LARP1B: variants seen among roughly 807,000 people sequenced by gnomAD.
LARP1B encodes La ribonucleoprotein 1B.
Under a neutral mutation model 114.2 loss-of-function variants are expected in LARP1B, and 76 were observed. The observed-to-expected ratio is 0.67, with a 90% CI of 0.55 to 0.81. The LOEUF is 0.81. Ranked by LOEUF, LARP1B falls within the 30% of genes least tolerant of loss-of-function variation. The pLI is 0.00. For missense variants in LARP1B, 1,014 were observed against 1,075.8 expected (o/e 0.94, Z 0.80); for synonymous variants, 345 against 348.0 (o/e 0.99, Z 0.10).
chr4:128,122,615 C>T, intron 11 of LARP1B: 2 of 1,468,048 alleles, frequency 1.4e-6, no homozygotes, highest in African/African-American at 1.4e-5. Context: ...AGAGAGCACT[C>T]TTCTTGCCTC....
At chr4:128,176,807 A>G (rs1746390815) in intron 12 of LARP1B, 65 bp from the exon 13 acceptor site, 1 of 1,443,272 alleles carries the variant, frequency 6.9e-7, no homozygotes, top group Non-Finnish European at 9.7e-7. Context: ...AATTTAATAA[A>G]TGAAACAATA....
intron 15 of LARP1B, among the ~76,000 whole-genome samples, chr4:128,187,081 C>T (rs972766418): frequency 1.3e-5 from 2 of 152,222 alleles, no homozygotes; most frequent in Non-Finnish European, 2.9e-5. Context: ...GCAGAGCCCT[C>T]ATGGAGAACC....
intron 11 of LARP1B, among the ~76,000 whole-genome samples, chr4:128,135,225 AC>A (rs1296982150): frequency 6.6e-6 from 1 of 152,174 alleles, no homozygotes; most frequent in African/African-American, 2.4e-5. Flanking sequence ...GAGGATTATC[AC>A]CTCACACTGA....
At chr4:128,164,633 A>G (rs1342056570) in intron 12 of LARP1B, among the ~76,000 whole-genome samples, 1 of 152,180 alleles carries the variant, frequency 6.6e-6, no homozygotes, top group Non-Finnish European at 1.5e-5. Context: ...AACCATAGCA[A>G]TACGCCATAT....
intron 11 of LARP1B, among the ~76,000 whole-genome samples, chr4:128,146,192 A>G (rs574770370): frequency 6.6e-6 from 1 of 152,240 alleles, no homozygotes; most frequent in Admixed American, 6.5e-5. Context: ...TGTGTGGACT[A>G]TGAGACACAT....
At chr4:128,113,991 G>C (rs773999951) in intron 9 of LARP1B, among the ~76,000 whole-genome samples, 2 of 151,934 alleles carry the variant, frequency 1.3e-5, no homozygotes, top group African/African-American at 2.4e-5. Context: ...TCTCCGTGTT[G>C]GTCAGGCCAG....
chr4:128,069,571 G>A (rs994531159), intron 1 of LARP1B: 7 of 734,020 alleles, frequency 9.5e-6, no homozygotes, highest in Admixed American at 1.8e-5. Context: ...AGAAGAAAGT[G>A]CATTTTCTCC....
chr4:128,116,828 C>T (rs958069196), intron 10 of LARP1B, among the ~76,000 whole-genome samples: 5 of 151,702 alleles, frequency 3.3e-5, no homozygotes, highest in African/African-American at 4.8e-5. Flanking sequence ...ATTCTAAAAG[C>T]ATTTTTCTTT....
At chr4:128,079,195 A>G (rs1306538471) in intron 4 of LARP1B, among the ~76,000 whole-genome samples, 8 of 150,600 alleles carry the variant, frequency 5.3e-5, no homozygotes, top group Non-Finnish European at 1.2e-4. Flanking sequence ...CCCGGGTTCT[A>G]GGAATTCTTC....
chr4:128,110,770 T>A (rs1197210733), intron 9 of LARP1B, among the ~76,000 whole-genome samples: 2 of 151,440 alleles, frequency 1.3e-5, no homozygotes, highest in African/African-American at 4.9e-5. Flanking sequence ...TTCTAAGAAT[T>A]GTACGTTTTC....
intron 1 of LARP1B, among the ~76,000 whole-genome samples, chr4:128,064,775 T>C (rs1761763256): frequency 6.6e-6 from 1 of 152,132 alleles, no homozygotes. Context: ...TGTGTGCCTG[T>C]AGTTTTAGCT....
intron 19 of LARP1B, among the ~76,000 whole-genome samples, chr4:128,209,079 G>A (rs919449579): frequency 3.9e-5 from 6 of 152,116 alleles, no homozygotes; most frequent in African/African-American, 1.4e-4. Context: ...TTATAGTTAT[G>A]CCCCATCAGA....
rs762093122 is a variant in LARP1B at position 128,082,208 on chromosome 4, A to G, written c.261A>G (p.Arg87=). The G allele has an allele frequency of 1.9e-6, 3 of 1,612,836 alleles. No homozygotes were observed. The highest frequency in any genetic ancestry group is 2.2e-5 in the South Asian group (2 of 91,024). Residue 87 remains arginine, a synonymous_variant, in exon 5 of 20, where the codon AGA becomes AGG. Coordinates refer to ENST00000326639, the MANE Select transcript of LARP1B (RefSeq NM_018078.4). ...KWVPLHLDVV[R]SESQERPGSR... is the part of the protein sequence containing the mutation. ...TACCACTCCACTTAGATGTTGTAAG[A>G]TCAGAGAGTCAAGAAAGACCTGGAT...
chr4:128,153,172 G>A (rs1192884988), intron 11 of LARP1B, among the ~76,000 whole-genome samples: 2 of 151,242 alleles, frequency 1.3e-5, no homozygotes, highest in Non-Finnish European at 3.0e-5. Context: ...TAGTAGAGAC[G>A]GGGTGTCACT....
chr4:128,212,667 A>G (rs779450669), downstream of LARP1B, among the ~76,000 whole-genome samples: 1 of 152,012 alleles, frequency 6.6e-6, no homozygotes, highest in Non-Finnish European at 1.5e-5. Context: ...AAAAACAAAA[A>G]CAAAAAACAA....
At chr4:128,178,692 A>G (rs1422389015) in intron 14 of LARP1B, 50 bp downstream of exon 14, 2 of 1,308,500 alleles carry the variant, frequency 1.5e-6, no homozygotes, top group African/African-American at 1.5e-5. Flanking sequence ...ATCCTTTAAC[A>G]TTACAGAATG....
At chr4:128,070,186 G>A (rs1007171932) in intron 1 of LARP1B, among the ~76,000 whole-genome samples, 18 of 152,030 alleles carry the variant, frequency 1.2e-4, no homozygotes, top group Admixed American at 5.9e-4. Flanking sequence ...TGGGCGTGGT[G>A]GCAGGCACCT....
chr4:128,084,105 A>C (rs1289563631), intron 5 of LARP1B, among the ~76,000 whole-genome samples: 1 of 148,352 alleles, frequency 6.7e-6, no homozygotes, highest in African/African-American at 2.5e-5. Flanking sequence ...CCTAGATGGG[A>C]TGGCGGCCGG....
chr4:128,202,152 A>T (rs185477524), intron 17 of LARP1B, among the ~76,000 whole-genome samples: 3 of 152,258 alleles, frequency 2.0e-5, no homozygotes, highest in Admixed American at 6.5e-5. Context: ...AATCCCAGTT[A>T]TGTTTTATGT....
Sources: gnomAD v4.1 joint callset for allele counts (sites outside exome capture counted in the v4.1 genomes callset) on GRCh38, gnomAD v4.1.1 for gene constraint, MANE v1.5 for transcripts, NCBI Gene and HGNC (gene_info 2026-07-23, HGNC 2026-07-21) for gene names.